The following LAMA2 variants were observed in gnomAD, a reference collection of about 807,000 sequenced individuals.
LAMA2 encodes laminin subunit alpha 2.
Under a neutral mutation model 364.8 loss-of-function variants are expected in LAMA2, and 269 were observed. That is an observed-to-expected ratio of 0.74 (90% CI 0.67 to 0.82). LAMA2 has a LOEUF of 0.82. LAMA2 is among the 40% of genes least tolerant of loss of function. LAMA2 has a pLI of 0.00. For missense variants in LAMA2, 3,807 were observed against 3,873.2 expected (o/e 0.98, Z 0.45); for synonymous variants, 1,379 against 1,370.6 (o/e 1.01, Z -0.14).
At chr6:129,115,479 C>G (rs2114908758) in intron 4 of LAMA2, among the ~76,000 whole-genome samples, 1 of 152,082 alleles carries the variant, frequency 6.6e-6, no homozygotes, top group East Asian at 1.9e-4. Flanking sequence ...AATGTATTTT[C>G]CCAGCTGCTG....
chr6:129,428,358 CA>C (rs1367433711), intron 41 of LAMA2, among the ~76,000 whole-genome samples: 2 of 152,210 alleles, frequency 1.3e-5, no homozygotes, highest in Non-Finnish European at 2.9e-5. Context: ...CGCTTTAGCC[CA>C]GGGGCGTGAA....
chr6:129,486,901 C>A (rs1318170834), intron 56 of LAMA2, among the ~76,000 whole-genome samples: 2 of 152,132 alleles, frequency 1.3e-5, no homozygotes, highest in African/African-American at 4.8e-5. Context: ...TAAGAAAAAT[C>A]CCTCCCTCTG....
At chr6:129,329,671 A>G (rs763174849) in intron 29 of LAMA2, among the ~76,000 whole-genome samples, 6 of 152,084 alleles carry the variant, frequency 3.9e-5, no homozygotes, top group Non-Finnish European at 7.4e-5. Flanking sequence ...TGCAGTCGCC[A>G]TCACTTTCTT....
intron 9 of LAMA2, among the ~76,000 whole-genome samples, chr6:129,171,197 G>A (rs920478142): frequency 1.3e-5 from 2 of 152,044 alleles, no homozygotes; most frequent in African/African-American, 4.8e-5. Context: ...ATTGTTATGT[G>A]TGAATTTGAT....
chr6:128,994,501 G>A (rs1378378684), intron 1 of LAMA2, among the ~76,000 whole-genome samples: 2 of 152,078 alleles, frequency 1.3e-5, no homozygotes, highest in African/African-American at 4.8e-5. Context: ...TCACTTATTT[G>A]TATTATCCTC....
chr6:129,352,599 G>C (rs1207838471), intron 31 of LAMA2, among the ~76,000 whole-genome samples: 1 of 152,172 alleles, frequency 6.6e-6, no homozygotes, highest in Non-Finnish European at 1.5e-5. Context: ...AAATTCATGA[G>C]TATAGGGAAG....
intron 33 of LAMA2, among the ~76,000 whole-genome samples, chr6:129,369,232 C>T (rs1007164524): frequency 5.1e-4 from 77 of 152,220 alleles, no homozygotes; most frequent in African/African-American, 1.7e-3. Context: ...ACAAAACCCG[C>T]TATGGTTTTG....
chr6:129,107,816 A>C (rs544288881), intron 4 of LAMA2, among the ~76,000 whole-genome samples: 2 of 152,156 alleles, frequency 1.3e-5, no homozygotes, highest in African/African-American at 4.8e-5. Flanking sequence ...ATTTGAATTC[A>C]GTGTATTCTC....
chr6:129,218,270 G>A (rs767317207), intron 12 of LAMA2, among the ~76,000 whole-genome samples: 4 of 152,012 alleles, frequency 2.6e-5, no homozygotes, highest in Non-Finnish European at 5.9e-5. Flanking sequence ...TTAATTTCTT[G>A]AAGGAAGGAA....
chr6:128,986,718 A>G (rs1183560659), intron 1 of LAMA2, among the ~76,000 whole-genome samples: 16 of 152,100 alleles, frequency 1.1e-4, no homozygotes, highest in Non-Finnish European at 5.9e-5. Context: ...ATCTACAATC[A>G]AATTACCTTT....
intron 1 of LAMA2, among the ~76,000 whole-genome samples, chr6:129,032,981 T>G (rs1162470527): frequency 2.0e-5 from 3 of 151,900 alleles, no homozygotes; most frequent in Non-Finnish European, 4.4e-5. Flanking sequence ...CTTTGGAGAG[T>G]AATATTAAAT....
Position 129,270,757 on chromosome 6 carries a change from T to C in LAMA2, c.2450+6T>C. On this transcript the variant is annotated splice_donor_region_variant and intron_variant, in intron 17 of 64. Transcript: ENST00000421865. ...CTCAATATCCCATCCAATAAGTAAG[T>C]AACAAACTTACCCCATGAATAAGCT... is the stretch of plus-strand genomic sequence containing the variant. 6.2e-7 allele frequency: 1 copy of C among 1,612,898 alleles called. No individual in the cohort carries two copies. Among genetic ancestry groups the C allele is most frequent in the South Asian group, 1.1e-5 (1 of 91,078 alleles).
intron 51 of LAMA2, among the ~76,000 whole-genome samples, chr6:129,470,242 CA>C (rs975537610): frequency 6.7e-6 from 1 of 150,192 alleles, no homozygotes; most frequent in South Asian, 2.1e-4. Context: ...ATAAGACCAA[CA>C]AAAAAAAGTA....
chr6:129,473,283 A>G lies in LAMA2; in HGVS notation c.7370A>G (p.Asn2457Ser). 6.2e-7 allele frequency: 1 copy of G among 1,612,036 alleles called. No individual in the cohort carries two copies. The highest frequency in any genetic ancestry group is 1.3e-5 in the African/African-American group (1 of 74,962). ...ENIATSSSGN[N>S]FGLDLKADDK... ...ATAGCAACTTCGTCTTCTGGAAACA[A>G]CTTTGGTCTTGACTTGAAAGCAGAT... The change falls in exon 52 of 65, where the codon AAC (asparagine) becomes AGC (serine). Residue 2457 changes from asparagine (N) to serine (S), a missense_variant. Asn to Ser is a conservative substitution (Grantham distance 46, BLOSUM62 1). This residue lies in a region of LAMA2 where 3,333 missense variants were observed against 3,345.7 expected (regional missense o/e 1.00). Coordinates refer to ENST00000421865, the MANE Select transcript of LAMA2 (RefSeq NM_000426.4).
At chr6:129,153,727 A>G (rs77887880) in intron 7 of LAMA2, among the ~76,000 whole-genome samples, 2 of 152,318 alleles carry the variant, frequency 1.3e-5, no homozygotes, top group Non-Finnish European at 2.9e-5. Flanking sequence ...AGCATTTAGA[A>G]CAGTGTCTGG....
At chr6:129,432,690 A>G (rs1250340991) in intron 41 of LAMA2, among the ~76,000 whole-genome samples, 2 of 152,056 alleles carry the variant, frequency 1.3e-5, no homozygotes, top group Non-Finnish European at 2.9e-5. Flanking sequence ...TTCAAACTCA[A>G]TTTTCTTGCT....
intron 1 of LAMA2, among the ~76,000 whole-genome samples, chr6:129,009,359 A>C (rs1784631537): frequency 6.6e-6 from 1 of 152,102 alleles, no homozygotes; most frequent in African/African-American, 2.4e-5. Context: ...CTGTTTTTTC[A>C]AAAAAGCTTC....
intron 12 of LAMA2, among the ~76,000 whole-genome samples, chr6:129,226,289 A>G (rs973935914): frequency 6.6e-5 from 10 of 152,184 alleles, no homozygotes; most frequent in East Asian, 1.9e-4. Flanking sequence ...TCTTTATCCA[A>G]TTTGCCAGTC....
At chr6:129,231,705 T>G (rs1350979354) in intron 12 of LAMA2, among the ~76,000 whole-genome samples, 1 of 151,798 alleles carries the variant, frequency 6.6e-6, no homozygotes, top group Admixed American at 6.6e-5. Context: ...ACTTTCCTCC[T>G]CTTTCTTTTT....
Sources: gnomAD v4.1 joint callset for allele counts (sites outside exome capture counted in the v4.1 genomes callset) on GRCh38, gnomAD v4.1.1 for gene constraint, gnomAD v4.1.1 regional missense constraint, MANE v1.5 for transcripts, NCBI Gene and HGNC (gene_info 2026-07-23, HGNC 2026-07-21) for gene names.